Variants in AK5 observed in about 807,000 individuals in gnomAD.
AK5 encodes the protein adenylate kinase 5, also known as adenylate kinase isoenzyme 5.
Under a neutral mutation model 69.5 loss-of-function variants are expected in AK5, and 27 were observed. That is an observed-to-expected ratio of 0.39 (90% CI 0.29 to 0.54). The LOEUF (loss-of-function observed/expected upper bound fraction) is 0.54, where lower values mean the gene tolerates loss of function less well. Among genes scored for constraint, AK5 ranks in the 20% least tolerant of loss-of-function variants. The pLI is 0.71. For synonymous variants in AK5, 260 were observed against 244.4 expected (o/e 1.06, Z -0.60); for missense variants, 531 against 700.4 (o/e 0.76, Z 2.73).
At chr1:77,342,827 T>C (rs939484696) in intron 6 of AK5, among the ~76,000 whole-genome samples, 4 of 148,486 alleles carry the variant, frequency 2.7e-5, no homozygotes, top group African/African-American at 1.0e-4. Flanking sequence ...TCCTTTTCTC[T>C]GTAGTTTTTT....
intron 10 of AK5, among the ~76,000 whole-genome samples, chr1:77,497,616 C>T (rs987577696): frequency 1.3e-5 from 2 of 152,176 alleles, no homozygotes; most frequent in African/African-American, 4.8e-5. Context: ...TTGTTGTTGT[C>T]AGCCTTTCTC....
chr1:77,340,266 A>G, intron 5 of AK5, 111 bp from the exon 6 acceptor site: 1 of 1,069,742 alleles, frequency 9.3e-7, no homozygotes, highest in Non-Finnish European at 1.4e-6. Flanking sequence ...AAAAACATAG[A>G]GGGCCAAATA....
At chr1:77,393,279 C>A (rs1648608741) in intron 6 of AK5, among the ~76,000 whole-genome samples, 1 of 152,008 alleles carries the variant, frequency 6.6e-6, no homozygotes, top group Non-Finnish European at 1.5e-5. Flanking sequence ...TTTGTAATAC[C>A]TTTTACTTCT....
chr1:77,442,338 T>TG (rs1489509283), intron 8 of AK5, among the ~76,000 whole-genome samples: 1 of 151,968 alleles, frequency 6.6e-6, no homozygotes, highest in Non-Finnish European at 1.5e-5. Context: ...GCACAGAGGG[T>TG]GGGGCTCCTT....
At position 77,521,949 on chromosome 1, in the gene AK5, T is replaced by C; in HGVS notation, c.1428+6T>C. 6.3e-7 allele frequency: 1 copy of C among 1,585,646 alleles called. No individual in the cohort carries two copies. The highest frequency in any genetic ancestry group is 8.6e-7 in the Non-Finnish European group (1 of 1,166,346). On this transcript the variant is annotated splice_donor_region_variant and intron_variant, in intron 12 of 13. Coordinates refer to ENST00000354567, the MANE Select transcript of AK5 (RefSeq NM_174858.3). ...GGGAAGAGTTCGGACGCAGGGTGAG[T>C]GGTTGTTACGGGCATCCTTCCAGAA...
intron 6 of AK5, among the ~76,000 whole-genome samples, chr1:77,360,810 A>G (rs1364331127): frequency 6.6e-6 from 1 of 152,168 alleles, no homozygotes; most frequent in African/African-American, 2.4e-5. Context: ...CCAGCAATTC[A>G]GCTAACTTCA....
At chr1:77,286,177 A>G (rs1277319291) in intron 1 of AK5, among the ~76,000 whole-genome samples, 1 of 152,044 alleles carries the variant, frequency 6.6e-6, no homozygotes, top group Non-Finnish European at 1.5e-5. Flanking sequence ...TGCACTGTAC[A>G]AATATGAAAT....
intron 8 of AK5, among the ~76,000 whole-genome samples, chr1:77,477,719 T>A (rs184811751): frequency 6.6e-6 from 1 of 152,322 alleles, no homozygotes; most frequent in East Asian, 1.9e-4. Flanking sequence ...TCTCCTTTTT[T>A]TGCAGCATTC....
At chr1:77,384,113 C>A (rs1570477649) in intron 6 of AK5, among the ~76,000 whole-genome samples, 1 of 152,152 alleles carries the variant, frequency 6.6e-6, no homozygotes, top group South Asian at 2.1e-4. Context: ...CACGAACAGA[C>A]ATTATTTAGA....
intron 8 of AK5, among the ~76,000 whole-genome samples, chr1:77,479,527 G>T (rs1465073705): frequency 3.3e-5 from 5 of 152,250 alleles, no homozygotes; most frequent in Admixed American, 6.5e-5. Context: ...TTTGGTGTTA[G>T]TGGGTTTGCT....
intron 11 of AK5, among the ~76,000 whole-genome samples, chr1:77,519,856 A>G (rs899509666): frequency 1.3e-5 from 2 of 152,168 alleles, no homozygotes; most frequent in African/African-American, 4.8e-5. Flanking sequence ...TTTATCAGCA[A>G]GGTCTTTATG....
intron 8 of AK5, among the ~76,000 whole-genome samples, chr1:77,424,608 A>G (rs1165429437): frequency 6.6e-6 from 1 of 152,222 alleles, no homozygotes. Flanking sequence ...GAGATCAAAA[A>G]CACTGTAATA....
At chr1:77,531,081 G>A (rs1325385192) in intron 12 of AK5, among the ~76,000 whole-genome samples, 1 of 152,138 alleles carries the variant, frequency 6.6e-6, no homozygotes, top group East Asian at 1.9e-4. Flanking sequence ...GACCCTCGCG[G>A]TGAGTGTTAC....
rs915904952 is a variant in AK5, at chr1:77,282,363, A to C, written c.50A>C (p.Gln17Pro). The C allele has an allele frequency of 3.2e-6, 5 of 1,553,550 alleles. No individual in the cohort carries two copies. Among genetic ancestry groups the C allele is most frequent in the Non-Finnish European group, 3.5e-6 (4 of 1,148,840 alleles). ...TATCTGGCCCGGAGGGAAATCCCTC[A>C]GCTTTTTGAGGTAGGGCTAGAGCTG... ...KEYLARREIP[Q>P]LFESLLNGLM... The change falls in exon 1 of 14, where the codon CAG becomes CCG. Residue 17 changes from glutamine to proline, a missense_variant. Physicochemically the swap from Gln to Pro is moderately conservative, Grantham distance 76 (BLOSUM62 -1). Transcript: ENST00000354567.
At chr1:77,512,892 A>AAATGTAGAC (rs1657430999) in intron 10 of AK5, among the ~76,000 whole-genome samples, 1 of 152,344 alleles carries the variant, frequency 6.6e-6, no homozygotes, top group South Asian at 2.1e-4. Flanking sequence ...GAGACTTTTC[A>AAATGTAGAC]AATGTAGACT....
chr1:77,416,271 T>G (rs1170985145), intron 7 of AK5, among the ~76,000 whole-genome samples: 1 of 152,172 alleles, frequency 6.6e-6, no homozygotes, highest in Non-Finnish European at 1.5e-5. Context: ...TTCTAATCTC[T>G]GTTAATAGTA....
intron 1 of AK5, 35 bp downstream of exon 1, chr1:77,282,408 CG>C (rs1658110623): frequency 1.3e-6 from 2 of 1,532,134 alleles, no homozygotes; most frequent in Admixed American, 2.1e-5. Context: ...CGGTAGCATC[CG>C]GGGACTGCAT....
chr1:77,313,782 A>G (rs753524218), intron 5 of AK5: 3 of 529,098 alleles, frequency 5.7e-6, no homozygotes, highest in Non-Finnish European at 1.2e-5. Context: ...TACTTCTTTT[A>G]CTTCTTTTTC....
chr1:77,314,696 G>A (rs996200648), intron 5 of AK5: 9 of 152,014 alleles, frequency 5.9e-5, no homozygotes, highest in African/African-American at 1.7e-4. Context: ...TATATTTATT[G>A]TTAAGTATAG....
Sources: gnomAD v4.1 joint callset for allele counts (sites outside exome capture counted in the v4.1 genomes callset) on GRCh38, gnomAD v4.1.1 for gene constraint, MANE v1.5 for transcripts, NCBI Gene and HGNC (gene_info 2026-07-23, HGNC 2026-07-21) for gene names.